The following CACNG4 variants were observed in gnomAD, a reference collection of about 807,000 sequenced individuals.
CACNG4 encodes voltage-dependent calcium channel gamma-4 subunit.
Under a neutral mutation model 22.9 loss-of-function variants are expected in CACNG4, and 8 were observed. The observed-to-expected ratio is 0.35, with a 90% confidence interval of 0.21 to 0.63. The LOEUF (loss-of-function observed/expected upper bound fraction) is 0.63, where lower values mean the gene tolerates loss of function less well. CACNG4 is among the 30% of genes least tolerant of loss of function. CACNG4 has a pLI of 0.72. For synonymous variants in CACNG4, 188 were observed against 191.9 expected, an observed-to-expected ratio of 0.98 and a Z score of 0.17; for missense variants, 357 against 455.4, an observed-to-expected ratio of 0.78 and a Z score of 1.97.
At chr17:66,965,851 G>A (rs2143263236) in intron 1 of CACNG4, among the ~76,000 whole-genome samples, 1 of 152,212 alleles carries the variant, frequency 6.6e-6, no homozygotes, top group Admixed American at 6.5e-5. Flanking sequence ...GCTGTGCGGT[G>A]GGGTGGTAAG....
chr17:67,000,434 A>G (rs1598113753), intron 1 of CACNG4, among the ~76,000 whole-genome samples: 1 of 151,872 alleles, frequency 6.6e-6, no homozygotes, highest in East Asian at 1.9e-4. Flanking sequence ...TTTAAATGCA[A>G]GCAAAAGCCT....
rs552432624 is a variant in CACNG4, at chr17:66,994,572, G to A, written c.221-23617G>A. 1.8e-4 allele frequency among the ~76,000 whole-genome samples: 27 copies of A among 152,310 alleles called. 1 individual carries two copies. In the South Asian group the frequency reaches 5.4e-3, roughly 30 times the overall value. On this transcript the variant is annotated intron_variant, in intron 1 of 3. Coordinates refer to ENST00000262138, the MANE Select transcript of CACNG4 (RefSeq NM_014405.4). ...CCAGGGGCCCAGTCCTGGTGACCAC[G>A]GAGCCTGGGAGCTGGGTGTCATGCA...
rs530615889 is a variant in CACNG4 at position 67,028,551 on chromosome 17, T to TC, written c.446-1914dup. On this transcript the variant is annotated intron_variant, in intron 3 of 3. Transcript: ENST00000262138. ...CTGGGGGACAGAGCGAGACTCCGTC[T>TC]CAAAAAAGAAAAACAAAAACAGAAA... Among the ~76,000 whole-genome samples the TC allele has an allele frequency of 2.4e-3, 364 of 148,696 alleles. 1 individual carries two copies. The highest frequency in any genetic ancestry group is 9.2e-3 in the African/African-American group (359 of 38,856).
At chr17:67,021,192 C>T (rs1384176247) in intron 2 of CACNG4, among the ~76,000 whole-genome samples, 1 of 150,886 alleles carries the variant, frequency 6.6e-6, no homozygotes, top group Non-Finnish European at 1.5e-5. Flanking sequence ...CAGAGCAAGA[C>T]CCCATCTTAA....
chr17:66,994,723 G>A (rs1309225293), intron 1 of CACNG4, among the ~76,000 whole-genome samples: 1 of 152,204 alleles, frequency 6.6e-6, no homozygotes, highest in African/African-American at 2.4e-5. Flanking sequence ...CTATCTTCTG[G>A]ATTTTCAGGA....
intron 2 of CACNG4, among the ~76,000 whole-genome samples, 184 bp from the exon 3 acceptor site, chr17:67,024,676 T>C (rs1004958151): frequency 6.6e-6 from 1 of 152,206 alleles, no homozygotes. Context: ...CACTTGCATC[T>C]GATCCAATGG....
chr17:66,965,786 G>A (rs2035166351), intron 1 of CACNG4, among the ~76,000 whole-genome samples: 1 of 152,072 alleles, frequency 6.6e-6, no homozygotes. Flanking sequence ...GGGTAGCTGG[G>A]TAGGCCCAGC....
chr17:67,025,719 A>G (rs1425503066), intron 3 of CACNG4, among the ~76,000 whole-genome samples: 1 of 152,272 alleles, frequency 6.6e-6, no homozygotes, highest in East Asian at 1.9e-4. Flanking sequence ...GAAGATGGGC[A>G]GGCCTGGCGT....
In CACNG4 at chr17:67,032,267, C is replaced by T; in HGVS notation, c.*1263C>T. 3.1e-6 allele frequency: 1 copy of T among 327,360 alleles called. No homozygotes were observed. The highest frequency in any genetic ancestry group is 8.1e-5 in the East Asian group (1 of 12,304). The allele number at this position is 327,360 out of a possible 1,614,324, so 20.3% of individuals were successfully genotyped here. A position where few individuals can be genotyped will look rare whatever the true frequency, so the allele number is the denominator to read the frequency against. Reference sequence around the variant, plus strand: ...TGGTTTCTGTGTTTTACAGTTTTTCCAGCCATTCTTTTCTTCCCCCTCCTG... The same window carrying T: ...TGGTTTCTGTGTTTTACAGTTTTTCTAGCCATTCTTTTCTTCCCCCTCCTG... On this transcript the variant is annotated 3_prime_UTR_variant, in exon 4 of 4. Transcript: ENST00000262138.
chr17:66,974,167 C>G (rs1405556203), intron 1 of CACNG4, among the ~76,000 whole-genome samples: 1 of 152,182 alleles, frequency 6.6e-6, no homozygotes, highest in Non-Finnish European at 1.5e-5. Context: ...CAGCTAGTGT[C>G]CACAGTACCG....
chr17:66,986,185 G>A (rs2035304860), intron 1 of CACNG4, among the ~76,000 whole-genome samples: 1 of 152,190 alleles, frequency 6.6e-6, no homozygotes, highest in South Asian at 2.1e-4. Flanking sequence ...GGGACAGGGA[G>A]GTAGGAGAAC....
At chr17:66,989,812 T>TG (rs1718728880) in intron 1 of CACNG4, among the ~76,000 whole-genome samples, 1 of 151,272 alleles carries the variant, frequency 6.6e-6, no homozygotes, top group African/African-American at 2.5e-5. Flanking sequence ...CCTCCCAATG[T>TG]GGGTACTGTT....
rs2143260277 is a variant in CACNG4, at chr17:66,964,825, G to C, written c.-87G>C. On this transcript the variant is annotated 5_prime_UTR_variant, in exon 1 of 4. Coordinates refer to ENST00000262138, the MANE Select transcript of CACNG4 (RefSeq NM_014405.4). ...CCCCGGCCCTCGGCCCCCCAACCCC[G>C]GCGCCCCCGGAGCGGCGCGCGGAGG... The C allele has an allele frequency of 6.4e-5, 35 of 550,598 alleles. No individual in the cohort carries two copies. Among genetic ancestry groups the C allele is most frequent in the Non-Finnish European group, 7.5e-5 (32 of 429,040 alleles). The allele number at this position is 550,598 out of a possible 1,614,324, so 34.1% of individuals were successfully genotyped here.
Position 66,984,792 on chromosome 17 carries a change from G to A in CACNG4, c.220+19661G>A, listed in dbSNP as rs769091280. Among the ~76,000 whole-genome samples, 9 of 152,130 alleles carry A rather than the reference G, an allele frequency of 5.9e-5. No homozygotes were observed. Among genetic ancestry groups the A allele is most frequent in the Middle Eastern group, 3.2e-3 (1 of 316 alleles). Reference sequence around the variant, plus strand: ...ACCCTGGATTCTTCACCCAGAAGGCGAAGCAGCAGGGGCAGAGTTTGACTT... The same window carrying A: ...ACCCTGGATTCTTCACCCAGAAGGCAAAGCAGCAGGGGCAGAGTTTGACTT... On this transcript the variant is annotated intron_variant, in intron 1 of 3. Transcript: ENST00000262138. The surrounding 1 kb of genome is among the most constrained non-coding windows in gnomAD (Gnocchi z 4.0).
At position 67,030,739 on chromosome 17, in the gene CACNG4, G is replaced by A. The variant is rs760271953; in HGVS notation, c.719G>A (p.Arg240Gln). ...YARMPSYRYR[R>Q]RRSRSSSRST... ...AGGATGCCGAGCTACAGGTACCGGC[G>A]ACGGCGCTCGAGGTCCAGCTCAAGG... The change falls in exon 4 of 4, where the codon CGA becomes CAA. Residue 240 changes from arginine (R) to glutamine (Q), a missense_variant. Transcript: ENST00000262138. The surrounding 1 kb of genome is among the most constrained non-coding windows in gnomAD (Gnocchi z 6.4). 6.2e-7 allele frequency: 1 copy of A among 1,614,210 alleles called. No individual in the cohort carries two copies. The highest frequency in any genetic ancestry group is 8.5e-7 in the Non-Finnish European group (1 of 1,180,034).
At chr17:67,010,239 C>T (rs922251324) in intron 1 of CACNG4, among the ~76,000 whole-genome samples, 1 of 152,176 alleles carries the variant, frequency 6.6e-6, no homozygotes, top group Admixed American at 6.5e-5. Context: ...TTGCCATCCC[C>T]GCTGCTTCAG....
chr17:66,980,703 A>G (rs1017907842), intron 1 of CACNG4, among the ~76,000 whole-genome samples: 9 of 141,892 alleles, frequency 6.3e-5, no homozygotes, highest in African/African-American at 2.5e-4. Context: ...TCTCCCTGCA[A>G]CCTTCACTGG....
chr17:66,980,474 G>A (rs982947148), intron 1 of CACNG4, among the ~76,000 whole-genome samples: 2 of 152,112 alleles, frequency 1.3e-5, no homozygotes, highest in African/African-American at 2.4e-5. Context: ...AGCAGAAGAC[G>A]CTTGCTTTTT....
chr17:66,995,960 T>C (rs1690747265), intron 1 of CACNG4, among the ~76,000 whole-genome samples: 2 of 152,124 alleles, frequency 1.3e-5, no homozygotes, highest in Admixed American at 6.5e-5. Context: ...TGGAACTGAG[T>C]GACATGAAAC....
Sources: gnomAD v4.1 joint callset for allele counts (sites outside exome capture counted in the v4.1 genomes callset) on GRCh38, gnomAD v4.1.1 for gene constraint, Gnocchi (gnomAD v3.1) non-coding constraint, MANE v1.5 for transcripts, NCBI Gene and HGNC (gene_info 2026-07-23, HGNC 2026-07-21) for gene names.